CPO: variants seen among roughly 807,000 people sequenced by gnomAD.
CPO encodes carboxypeptidase O, also known as metallocarboxypeptidase C.
Under a neutral mutation model 41.2 loss-of-function variants are expected in CPO, and 43 were observed. The ratio of observed to expected loss-of-function variants is 1.04; its 90% CI spans 0.82 to 1.35. The LOEUF (loss-of-function observed/expected upper bound fraction) is 1.35, where lower values mean the gene tolerates loss of function less well. Among genes scored for constraint, CPO ranks in the 40% most tolerant of loss-of-function variants. The pLI, the probability that CPO is intolerant of heterozygous loss-of-function variation, is 0.00. For synonymous variants in CPO, 178 were observed against 162.7 expected (o/e 1.09, Z -0.72); for missense variants, 408 against 451.7 (o/e 0.90, Z 0.88).
At chr2:206,967,149 C>G (rs2105830351) in intron 7 of CPO, among the ~76,000 whole-genome samples, 1 of 152,086 alleles carries the variant, frequency 6.6e-6, no homozygotes, top group African/African-American at 2.4e-5. Flanking sequence ...GTAGAACACA[C>G]ATGTTTAGGC....
Position 206,955,540 on chromosome 2 carries a change from G to A in CPO, c.243G>A (p.Glu81=). 3 of 1,595,976 alleles carry A rather than the reference G, an allele frequency of 1.9e-6. No homozygotes were observed. The highest frequency in any genetic ancestry group is 2.6e-6 in the Non-Finnish European group (3 of 1,163,232). ...AGCATTTCCTAGGAGTGACCTATGA[G>A]ACCCACCCCATGTATTATCTGAAGG... The part of the protein sequence containing the change: ...VTQHFLGVTY[E]THPMYYLKIS... The change falls in exon 3 of 9, where the codon GAG becomes GAA. Residue 81 remains glutamate, a synonymous_variant. Coordinates refer to ENST00000272852, the MANE Select transcript of CPO (RefSeq NM_173077.3).
At chr2:206,943,713 TA>T (rs1553510304) in intron 1 of CPO, among the ~76,000 whole-genome samples, 4 of 71,926 alleles carry the variant, frequency 5.6e-5, no homozygotes, top group African/African-American at 1.1e-4. Flanking sequence ...GATAGATAGA[TA>T]GATGATGGAT....
Position 206,943,674 on chromosome 2 carries a change from TGATAGATAGATAGATAGATA to T in CPO, c.68+4031_68+4050del, listed in dbSNP as rs71987761. Among the ~76,000 whole-genome samples the T allele has an allele frequency of 3.8e-5, 4 of 106,536 alleles. No homozygotes were observed. In the South Asian group the frequency reaches 1.3e-3, roughly 33 times the overall value. The allele number at this position is 106,536 out of a possible 152,430, so 69.9% of individuals were successfully genotyped here. A position where few individuals can be genotyped will look rare whatever the true frequency, so the allele number is the denominator to read the frequency against. ...TTACGATCAAATGAAGATAGATAGA[TGATAGATAGATAGATAGATA>T]GATAGATAGATAGATAGATAGATGA... On this transcript the variant is annotated intron_variant, in intron 1 of 8. Coordinates refer to ENST00000272852, the MANE Select transcript of CPO (RefSeq NM_173077.3).
intron 5 of CPO, 55 bp downstream of exon 5, chr2:206,959,796 G>C: frequency 1.3e-6 from 1 of 791,886 alleles, no homozygotes; most frequent in Non-Finnish European, 2.2e-6. Context: ...GCTCAATTCA[G>C]GTTAATTTTT....
intron 7 of CPO, among the ~76,000 whole-genome samples, chr2:206,963,518 C>A (rs1693518185): frequency 6.6e-6 from 1 of 152,160 alleles, no homozygotes; most frequent in South Asian, 2.1e-4. Flanking sequence ...CTACACGAGT[C>A]CCTCACAACC....
intron 7 of CPO, 142 bp from the exon 8 acceptor site, chr2:206,968,121 G>A: frequency 1.5e-6 from 1 of 686,500 alleles, no homozygotes; most frequent in Non-Finnish European, 2.6e-6. Flanking sequence ...TTACCAGCAG[G>A]CTACCTAGAT....
chr2:206,944,632 G>A (rs1397029325), intron 1 of CPO, among the ~76,000 whole-genome samples: 2 of 151,778 alleles, frequency 1.3e-5, no homozygotes, highest in African/African-American at 2.4e-5. Flanking sequence ...CTTTTCATTT[G>A]GACAAGCTAA....
intron 1 of CPO, among the ~76,000 whole-genome samples, chr2:206,943,768 AG>A (rs1559068512): frequency 1.5e-4 from 20 of 137,722 alleles, no homozygotes; most frequent in African/African-American, 5.2e-4. Context: ...ATAGATAGAT[AG>A]ATAGATAGAT....
At chr2:206,969,148 C>A (rs767358577) in intron 8 of CPO, 26 bp from the exon 9 acceptor site, 1 of 1,610,334 alleles carries the variant, frequency 6.2e-7, no homozygotes, top group Non-Finnish European at 8.5e-7. Flanking sequence ...TGACTTCTAC[C>A]TCTGCCTTCA....
At chr2:206,963,962 ACAT>A (rs1234166715) in intron 7 of CPO, among the ~76,000 whole-genome samples, 1 of 152,226 alleles carries the variant, frequency 6.6e-6, no homozygotes, top group Non-Finnish European at 1.5e-5. Flanking sequence ...CACCAACAGT[ACAT>A]AAGGGTTTCT....
chr2:206,951,448 C>G (rs1255120476), intron 2 of CPO, among the ~76,000 whole-genome samples: 5 of 152,172 alleles, frequency 3.3e-5, no homozygotes, highest in Admixed American at 3.3e-4. Flanking sequence ...ATACACATGT[C>G]TACATTTTTA....
At position 206,946,948 on chromosome 2, in the gene CPO, A is replaced by G. The variant is rs143658992; in HGVS notation, c.69-2669A>G. 5.1e-3 allele frequency among the ~76,000 whole-genome samples: 772 copies of G among 152,330 alleles called. 11 individuals carry two copies. Among genetic ancestry groups the G allele is most frequent in the African/African-American group, 0.017 (709 of 41,586 alleles). On this transcript the variant is annotated intron_variant, in intron 1 of 8. Transcript: ENST00000272852. ...AGGAAAACTAAAAAACTCTAATGAA[A>G]GAGATCAAAGAAGAACTAAATAAAT... is the stretch of plus-strand genomic sequence containing the variant.
rs1038279589 is a variant in CPO, at chr2:206,943,757, G to T, written c.68+4090G>T. ...AGATAGATAGATAGATAGATAGATA[G>T]ATAGATAGATAGATAGATAGATGAT... On this transcript the variant is annotated intron_variant, in intron 1 of 8. Transcript: ENST00000272852. 3.3e-5 allele frequency among the ~76,000 whole-genome samples: 5 copies of T among 151,140 alleles called. No homozygotes were observed. In the Admixed American group the frequency reaches 3.3e-4, roughly 10 times the overall value.
chr2:206,950,949 A>C (rs962337395), intron 2 of CPO, among the ~76,000 whole-genome samples: 2 of 151,046 alleles, frequency 1.3e-5, no homozygotes, highest in Non-Finnish European at 2.9e-5. Context: ...GGCCTGGGGG[A>C]GGGATAGCAT....
intron 1 of CPO, among the ~76,000 whole-genome samples, chr2:206,943,956 A>G (rs1693094045): frequency 6.6e-6 from 1 of 152,106 alleles, no homozygotes; most frequent in Non-Finnish European, 1.5e-5. Flanking sequence ...TTAATCAGGC[A>G]CTAGCTTATC....
Position 206,939,589 on chromosome 2 carries a change from T to C in CPO, c.-11T>C. 2 of 1,610,090 alleles carry C rather than the reference T, an allele frequency of 1.2e-6. No homozygotes were observed. Among genetic ancestry groups the C allele is most frequent in the Non-Finnish European group, 1.7e-6 (2 of 1,177,032 alleles). Reference sequence around the variant, plus strand: ...AGAGGCCCAGAATTTTCTAACTTACTGTGTGGCAGAATGAAGCCTCTGCTT... The same window carrying C: ...AGAGGCCCAGAATTTTCTAACTTACCGTGTGGCAGAATGAAGCCTCTGCTT... On this transcript the variant is annotated 5_prime_UTR_variant, in exon 1 of 9. Coordinates refer to ENST00000272852, the MANE Select transcript of CPO (RefSeq NM_173077.3).
At chr2:206,954,727 A>G (rs919420186) in intron 2 of CPO, among the ~76,000 whole-genome samples, 4 of 152,220 alleles carry the variant, frequency 2.6e-5, no homozygotes, top group Admixed American at 1.3e-4. Flanking sequence ...TGGGTAATTC[A>G]TAAAGGAAAG....
chr2:206,939,817 T>A (rs1389657185), intron 1 of CPO, 150 bp downstream of exon 1: 3 of 485,290 alleles, frequency 6.2e-6, no homozygotes, highest in African/African-American at 4.0e-5. Context: ...CCACTGAAAT[T>A]TATCACTGAA....
At chr2:206,965,940 G>A (rs755749932) in intron 7 of CPO, among the ~76,000 whole-genome samples, 2 of 152,110 alleles carry the variant, frequency 1.3e-5, no homozygotes, top group East Asian at 1.9e-4. Flanking sequence ...AGTTGAATTC[G>A]GTAGTCTGGG....
Sources: allele counts gnomAD v4.1 joint callset (sites outside exome capture counted in the v4.1 genomes callset), GRCh38; gene constraint gnomAD v4.1.1; transcripts MANE v1.5; gene names NCBI Gene and HGNC (gene_info 2026-07-23, HGNC 2026-07-21).